Variants in PLA2G4D observed in about 807,000 individuals in gnomAD.
PLA2G4D encodes the protein cytosolic phospholipase A2 delta.
In PLA2G4D, 80 loss-of-function variants were observed where a neutral mutation model predicts 94.4. That is an observed-to-expected ratio of 0.85 (90% CI 0.71 to 1.02). PLA2G4D has a LOEUF of 1.02. PLA2G4D is among the 50% of genes least tolerant of loss of function. The probability of loss-of-function intolerance (pLI) is 0.00; values close to 1 mark genes in which losing one functional copy is unlikely to be tolerated. For missense variants in PLA2G4D, 1,050 were observed against 1,034.7 expected, an observed-to-expected ratio of 1.01 and a Z score of -0.20; for synonymous variants, 438 against 440.9, an observed-to-expected ratio of 0.99 and a Z score of 0.08.
rs1427791387 is a variant in PLA2G4D at position 42,082,663 on chromosome 15, A to T, written c.673-274T>A. 2.6e-5 allele frequency among the ~76,000 whole-genome samples: 4 copies of T among 152,150 alleles called. No homozygotes were observed. The East Asian group carries it at 7.7e-4, about 29-fold the overall frequency. On this transcript the variant is annotated intron_variant, in intron 8 of 19. Coordinates refer to ENST00000290472, the MANE Select transcript of PLA2G4D (RefSeq NM_178034.4). ...TGAAGGAAATAAGTGGTGTGATATG[A>T]CAGTTTCTAATGCAACCAAAGGTGG...
chr15:42,089,665 G>T (rs370403465), intron 1 of PLA2G4D, among the ~76,000 whole-genome samples: 1 of 152,262 alleles, frequency 6.6e-6, no homozygotes, highest in East Asian at 1.9e-4. Flanking sequence ...GGAGGTGATG[G>T]CTGGGATGCT....
At chr15:42,070,532 A>T (rs1315470728) in intron 18 of PLA2G4D, 185 bp downstream of exon 18, 1 of 696,122 alleles carries the variant, frequency 1.4e-6, no homozygotes, top group East Asian at 2.8e-5. Flanking sequence ...TGGGAGCCCA[A>T]GGCCCCTGCA....
rs1431445263 is a variant in PLA2G4D at position 42,086,166 on chromosome 15, G to A, written c.387+47C>T. On this transcript the variant is annotated intron_variant, in intron 4 of 19. Transcript: ENST00000290472. ...GAAATAGCTACTTCCTCAGCTTGGA[G>A]TTGGAAGAAGTGGGGCCCACGGGGA... 7 of 1,528,022 alleles carry A rather than the reference G, an allele frequency of 4.6e-6. 1 individual carries two copies. Among genetic ancestry groups the A allele is most frequent in the Non-Finnish European group, 6.2e-6 (7 of 1,130,580 alleles). The allele number at this position is 1,528,022 out of a possible 1,614,324, so 94.7% of individuals were successfully genotyped here. A position where few individuals can be genotyped will look rare whatever the true frequency, so the allele number is the denominator to read the frequency against.
chr15:42,091,333 G>A (rs1264322871), intron 1 of PLA2G4D, among the ~76,000 whole-genome samples: 2 of 152,080 alleles, frequency 1.3e-5, no homozygotes, highest in Admixed American at 6.5e-5. Context: ...AATAATCCTC[G>A]CTCTATAATC....
chr15:42,069,110 G>C (rs1469985852), intron 19 of PLA2G4D, among the ~76,000 whole-genome samples, 169 bp from the exon 20 acceptor site: 1 of 152,338 alleles, frequency 6.6e-6, no homozygotes, highest in South Asian at 2.1e-4. Context: ...TCTTTGGATG[G>C]GTACTATTTG....
In PLA2G4D at chr15:42,087,678, TGCCA is replaced by T. The variant is rs757025446; in HGVS notation, c.64_67del (p.Trp22SerfsTer4). On this transcript the variant is annotated frameshift_variant, in exon 2 of 20. Transcript: ENST00000290472. LOFTEE classifies it high-confidence loss of function. Reference sequence around the variant, plus strand: ...CGCCTCCAGGACCCTCACTGTGAGCTGCCAGCAGGTAGAGGCCTCCCCCTGAAGA... The same window carrying T: ...CGCCTCCAGGACCCTCACTGTGAGCTGCAGGTAGAGGCCTCCCCCTGAAGA... 5.0e-6 allele frequency: 8 copies of T among 1,614,036 alleles called. No individual in the cohort carries two copies. In the South Asian group the frequency reaches 8.8e-5, roughly 18 times the overall value.
rs150703393 is a variant in PLA2G4D at position 42,087,426 on chromosome 15, G to A, written c.129C>T (p.Ala43=). 4.3e-4 allele frequency: 693 copies of A among 1,613,884 alleles called. 1 individual carries two copies. The highest frequency in any genetic ancestry group is 5.2e-4 in the Non-Finnish European group (615 of 1,179,998). Residue 43 remains alanine (A), a synonymous_variant, in exon 3 of 20, where the codon GCC becomes GCT. Transcript: ENST00000290472. ...ACAGCTGTAGGATCACGTAAGGGTC[G>A]GCCTCACTCACTGCCAAGGTTAAGG... The part of the protein sequence containing the change: ...NLRWADLLSE[A]DPYVILQLST...
chr15:42,086,266 A>C lies in PLA2G4D; in HGVS notation c.334T>G (p.Ser112Ala). 6.9e-7 allele frequency: 1 copy of C among 1,451,406 alleles called. No individual in the cohort carries two copies. Among genetic ancestry groups the C allele is most frequent in the Non-Finnish European group, 9.2e-7 (1 of 1,087,956 alleles). 89.9% of individuals were successfully genotyped at this position (1,451,406 alleles called of 1,614,324 possible). A position where few individuals can be genotyped will look rare whatever the true frequency, so the allele number is the denominator to read the frequency against. ...DICFKVLYDISEVLPGKLLRK... is the reference protein window; with the variant it reads ...DICFKVLYDIAEVLPGKLLRK... Reference sequence around the variant, plus strand: ...AGCAGCTTGCCAGGGAGGACTTCTGAGATGTCATAGAGAACCTTGAAGCAG... The same window carrying C: ...AGCAGCTTGCCAGGGAGGACTTCTGCGATGTCATAGAGAACCTTGAAGCAG... The change falls in exon 4 of 20, where the codon TCA (serine) becomes GCA (alanine). Residue 112 changes from serine to alanine, a missense_variant. Physicochemically the swap from Ser to Ala is moderately conservative, Grantham distance 99 (BLOSUM62 1). Coordinates refer to ENST00000290472, the MANE Select transcript of PLA2G4D (RefSeq NM_178034.4).
Position 42,086,199 on chromosome 15 carries a change from A to ACCCC in PLA2G4D, c.387+13_387+14insGGGG. On this transcript the variant is annotated intron_variant, in intron 4 of 19. Coordinates refer to ENST00000290472, the MANE Select transcript of PLA2G4D (RefSeq NM_178034.4). ...AAGTGGGGCCCACGGGGACTTCCCCACCCACCCACCCACCTGGGGACTCTG... is the reference window on the plus strand; with the variant it reads ...AAGTGGGGCCCACGGGGACTTCCCCACCCCCCCACCCACCCACCTGGGGACTCTG... The ACCCC allele has an allele frequency of 3.0e-5, 7 of 233,120 alleles. No homozygotes were observed. Among genetic ancestry groups the ACCCC allele is most frequent in the East Asian group, 1.6e-4 (1 of 6,332 alleles). The allele number at this position is 233,120 out of a possible 1,614,324, so 14.4% of individuals were successfully genotyped here.
At chr15:42,094,208 C>A (rs545816226) in intron 1 of PLA2G4D, among the ~76,000 whole-genome samples, 7 of 152,280 alleles carry the variant, frequency 4.6e-5, no homozygotes, top group African/African-American at 1.7e-4. Flanking sequence ...GGAGAGGAAG[C>A]TCTGCTGACC....
chr15:42,072,566 C>T (rs998671782), intron 13 of PLA2G4D, among the ~76,000 whole-genome samples, 174 bp from the exon 14 acceptor site: 2 of 152,146 alleles, frequency 1.3e-5, no homozygotes. Context: ...GTGTTCTGAA[C>T]AGCCCTAGAT....
At chr15:42,080,878 C>T (rs1377419892) in intron 12 of PLA2G4D, 119 bp downstream of exon 12, 21 of 1,318,118 alleles carry the variant, frequency 1.6e-5, no homozygotes, top group Middle Eastern at 3.9e-4. Flanking sequence ...GCTTGGCGCC[C>T]ATCAGATCAC....
At chr15:42,087,490 T>G (rs1890173040) in intron 2 of PLA2G4D, 54 bp from the exon 3 acceptor site, 1 of 1,611,576 alleles carries the variant, frequency 6.2e-7, no homozygotes, top group Admixed American at 1.7e-5. Context: ...CCCCTCTCCA[T>G]GAGCCATGCC....
At chr15:42,094,118 G>A (rs1278087664) in intron 1 of PLA2G4D, among the ~76,000 whole-genome samples, 1 of 152,090 alleles carries the variant, frequency 6.6e-6, no homozygotes, top group East Asian at 1.9e-4. Flanking sequence ...GTCTCCTTTT[G>A]TGACACACCC....
Position 42,068,933 on chromosome 15 carries a change from G to C in PLA2G4D, c.2239C>G (p.Arg747Gly), listed in dbSNP as rs528906489. 8.1e-6 allele frequency: 13 copies of C among 1,609,444 alleles called. No individual in the cohort carries two copies. The highest frequency in any genetic ancestry group is 1.1e-5 in the South Asian group (1 of 90,384). Residue 747 changes from arginine to glycine, a missense_variant, in exon 20 of 20, where the codon CGC (arginine) becomes GGC (glycine). By Grantham distance (125) the Arg-to-Gly change is moderately radical. Coordinates refer to ENST00000290472, the MANE Select transcript of PLA2G4D (RefSeq NM_178034.4). ...CCACCCTGGAGCTCTGCGGGGCTGC[G>C]CTGGACACCTGCCCAGGGGTAGGAG... ...FKDHSAPGVQ[R>G]SPAELQGGQV...
chr15:42,079,694 T>A lies in PLA2G4D; in HGVS notation c.1160A>T (p.Tyr387Phe). ...GCTCTTGGCCAGGTGCTCCCGGGCG[T>A]ATCTGATAGGTCCCTCCAGGTCCCT... ...SQRDLEGPIR[Y>F]AREHLAKSKL... Residue 387 changes from tyrosine to phenylalanine, a missense_variant, in exon 13 of 20, where the codon TAC (tyrosine) becomes TTC (phenylalanine). Coordinates refer to ENST00000290472, the MANE Select transcript of PLA2G4D (RefSeq NM_178034.4). 1 of 1,612,414 alleles carries A rather than the reference T, an allele frequency of 6.2e-7. No homozygotes were observed.
chr15:42,081,981 G>A, intron 9 of PLA2G4D, 147 bp from the exon 10 acceptor site: 1 of 1,044,044 alleles, frequency 9.6e-7, no homozygotes, highest in Non-Finnish European at 1.4e-6. Context: ...GCTCAGGCTG[G>A]AGTGCAATGG....
chr15:42,086,194 T>TGGGGGGGGGGGGGGGGCGG lies in PLA2G4D; in HGVS notation c.387+18_387+19insCCGCCCCCCCCCCCCCCCC. 1 of 1,370,442 alleles carries TGGGGGGGGGGGGGGGGCGG rather than the reference T, an allele frequency of 7.3e-7. No individual in the cohort carries two copies. Among genetic ancestry groups the TGGGGGGGGGGGGGGGGCGG allele is most frequent in the Non-Finnish European group, 9.6e-7 (1 of 1,043,082 alleles). 84.9% of individuals were successfully genotyped at this position (1,370,442 alleles called of 1,614,324 possible). Reference sequence around the variant, plus strand: ...GGAAGAAGTGGGGCCCACGGGGACTTCCCCACCCACCCACCCACCTGGGGA... The same window carrying TGGGGGGGGGGGGGGGGCGG: ...GGAAGAAGTGGGGCCCACGGGGACTTGGGGGGGGGGGGGGGGCGGCCCCACCCACCCACCCACCTGGGGA... On this transcript the variant is annotated intron_variant, in intron 4 of 19. Coordinates refer to ENST00000290472, the MANE Select transcript of PLA2G4D (RefSeq NM_178034.4).
intron 12 of PLA2G4D, among the ~76,000 whole-genome samples, 200 bp from the exon 13 acceptor site, chr15:42,079,959 A>G (rs922029150): frequency 6.6e-6 from 1 of 152,280 alleles, no homozygotes; most frequent in Non-Finnish European, 1.5e-5. Context: ...CCACACACGG[A>G]ATTTTAAATT....
Sources: gnomAD v4.1 joint callset for allele counts (sites outside exome capture counted in the v4.1 genomes callset) on GRCh38, gnomAD v4.1.1 for gene constraint, MANE v1.5 for transcripts, NCBI Gene and HGNC (gene_info 2026-07-23, HGNC 2026-07-21) for gene names.